Variants in ZNF699 observed in about 807,000 individuals in gnomAD.
ZNF699 encodes the protein zinc finger protein 699, also known as hangover homolog.
In ZNF699, 18 loss-of-function variants were observed where a neutral mutation model predicts 22.5. The observed-to-expected ratio is 0.80, with a 90% confidence interval of 0.55 to 1.19. The LOEUF (loss-of-function observed/expected upper bound fraction) is 1.19, where lower values mean the gene tolerates loss of function less well. ZNF699 is among the 50% of genes most tolerant of loss of function. The pLI, the probability that ZNF699 is intolerant of heterozygous loss-of-function variation, is 0.00. For missense variants in ZNF699, 670 were observed against 763.4 expected, an observed-to-expected ratio of 0.88 and a Z score of 1.44; for synonymous variants, 241 against 262.3, an observed-to-expected ratio of 0.92 and a Z score of 0.78.
intron 3 of ZNF699, among the ~76,000 whole-genome samples, chr19:9,299,865 T>TTA (rs2066300821): frequency 7.0e-6 from 1 of 143,742 alleles, no homozygotes. Flanking sequence ...CAACAATGTT[T>TTA]AAAAAAAAAA....
At position 9,295,844 on chromosome 19, in the gene ZNF699, T is replaced by C; in HGVS notation, c.1560A>G (p.Val520=). Reference sequence around the variant, plus strand: ...TCTCTCCAGTGTGAGTTCTGATATGTACTGTAAGGTGGGAGGAACTAATAA... The same window carrying C: ...TCTCTCCAGTGTGAGTTCTGATATGCACTGTAAGGTGGGAGGAACTAATAA... The part of the protein sequence containing the change: ...KAFISSSHLT[V]HIRTHTGEKP... Residue 520 remains valine, a synonymous_variant, in exon 6 of 6, where the codon GTA becomes GTG. Coordinates refer to ENST00000591998, the MANE Select transcript of ZNF699 (RefSeq NM_198535.3). 1.2e-6 allele frequency: 2 copies of C among 1,614,136 alleles called. No homozygotes were observed. Among genetic ancestry groups the C allele is most frequent in the Non-Finnish European group, 1.7e-6 (2 of 1,180,016 alleles).
At chr19:9,301,128 CAA>C (rs142708432) in intron 3 of ZNF699, among the ~76,000 whole-genome samples, 32 of 134,176 alleles carry the variant, frequency 2.4e-4, no homozygotes, top group African/African-American at 8.1e-4. Flanking sequence ...ATAAAGCCTA[CAA>C]AAAAAAAAGA....
At chr19:9,301,655 C>T (rs1206786325) in intron 3 of ZNF699, among the ~76,000 whole-genome samples, 2 of 152,168 alleles carry the variant, frequency 1.3e-5, no homozygotes, top group Non-Finnish European at 2.9e-5. Flanking sequence ...ATGTAAGAGG[C>T]ATGTATTCTT....
chr19:9,305,349 T>G (rs1348909255), intron 1 of ZNF699, among the ~76,000 whole-genome samples: 2 of 152,012 alleles, frequency 1.3e-5, no homozygotes, highest in East Asian at 3.9e-4. Context: ...GGAACAACCT[T>G]ACGTCCCCCT....
rs1326869359 is a variant in ZNF699 at position 9,295,183 on chromosome 19, T to C, written c.*292A>G. 5.4e-6 allele frequency: 2 copies of C among 369,492 alleles called. No homozygotes were observed. Among genetic ancestry groups the C allele is most frequent in the Admixed American group, 4.1e-5 (1 of 24,270 alleles). 22.9% of individuals were successfully genotyped at this position (369,492 alleles called of 1,614,324 possible). Reference sequence around the variant, plus strand: ...GAGCTGAAAAGGTAAATTTATCACCTTCAATGTTCCTATCAGAAAACACTG... The same window carrying C: ...GAGCTGAAAAGGTAAATTTATCACCCTCAATGTTCCTATCAGAAAACACTG... On this transcript the variant is annotated 3_prime_UTR_variant, in exon 6 of 6. Transcript: ENST00000591998.
At chr19:9,306,518 G>C (rs2066328546) in intron 1 of ZNF699, among the ~76,000 whole-genome samples, 1 of 152,104 alleles carries the variant, frequency 6.6e-6, no homozygotes, top group South Asian at 2.1e-4. Flanking sequence ...ATTTTAAAAA[G>C]CCAATAAAAA....
intron 1 of ZNF699, 47 bp downstream of exon 1, chr19:9,309,303 G>A (rs2066338774): frequency 6.6e-6 from 1 of 151,940 alleles, no homozygotes; most frequent in African/African-American, 2.4e-5. Flanking sequence ...TGCATAAAGA[G>A]GGGACAGGAG....
rs371365028 is a variant in ZNF699 at position 9,295,563 on chromosome 19, G to T, written c.1841C>A (p.Pro614His). 21 of 1,614,024 alleles carry T rather than the reference G, an allele frequency of 1.3e-5. No individual in the cohort carries two copies. The highest frequency in any genetic ancestry group is 1.8e-5 in the Non-Finnish European group (21 of 1,180,028). Residue 614 changes from proline (P) to histidine (H), a missense_variant, in exon 6 of 6, where the codon CCC becomes CAC. Transcript: ENST00000591998. ...TTTCCCACATTCCTTACATTCATAG[G>T]GTTTCTCTCCAGTGTGGCTTCTCAC... ...RHVRSHTGEK[P>H]YECKECGKAF... is the part of the protein sequence containing the mutation.
rs1364953630 is a variant in ZNF699, at chr19:9,296,064, T to C, written c.1340A>G (p.Tyr447Cys). Residue 447 changes from tyrosine to cysteine, a missense_variant, in exon 6 of 6, where the codon TAT becomes TGT. Physicochemically the swap from Tyr to Cys is radical, Grantham distance 194 (BLOSUM62 -2). Transcript: ENST00000591998. ...GGCCTTCCCACATTCCTTACATTCA[T>C]AGGGTTTCTCTCGACTTTGATTTTT... ...HVKNQSREKP[Y>C]ECKECGKAFS... is the part of the protein sequence containing the mutation. 1 of 1,613,852 alleles carries C rather than the reference T, an allele frequency of 6.2e-7. No individual in the cohort carries two copies. The highest frequency in any genetic ancestry group is 1.3e-5 in the African/African-American group (1 of 74,832).
rs543671188 is a variant in ZNF699 at position 9,297,657 on chromosome 19, T to C, written c.287-178A>G. Among the ~76,000 whole-genome samples the C allele has an allele frequency of 6.6e-6, 1 of 152,070 alleles. No homozygotes were observed. Among genetic ancestry groups the C allele is most frequent in the South Asian group, 2.1e-4 (1 of 4,814 alleles). ...TAGTATTAGGAGAACAAAACAGAAA[T>C]TGGATAAAATGCACATGACCAAATG... On this transcript the variant is annotated intron_variant, in intron 4 of 5. Transcript: ENST00000591998. The surrounding 1 kb of genome is among the most constrained non-coding windows in gnomAD (Gnocchi z 4.3).
At chr19:9,308,537 C>T (rs1362325859) in intron 1 of ZNF699, among the ~76,000 whole-genome samples, 1 of 152,130 alleles carries the variant, frequency 6.6e-6, no homozygotes, top group Non-Finnish European at 1.5e-5. Context: ...GGTGCAGTGG[C>T]TCATGCCTGT....
chr19:9,306,701 C>A (rs769020556), intron 1 of ZNF699, among the ~76,000 whole-genome samples: 8 of 152,202 alleles, frequency 5.3e-5, no homozygotes, highest in Non-Finnish European at 7.3e-5. Context: ...CAATTAACCA[C>A]ATCTTCAATA....
At chr19:9,305,981 C>T (rs1049990882) in intron 1 of ZNF699, among the ~76,000 whole-genome samples, 4 of 149,178 alleles carry the variant, frequency 2.7e-5, no homozygotes, top group African/African-American at 7.3e-5. Context: ...GGATTACAGG[C>T]GTGAGCCACC....
rs2066268206 is a variant in ZNF699 at position 9,292,312 on chromosome 19, C to A, written c.*3163G>T. 6.6e-6 allele frequency among the ~76,000 whole-genome samples: 1 copy of A among 152,156 alleles called. No individual in the cohort carries two copies. The highest frequency in any genetic ancestry group is 1.5e-5 in the Non-Finnish European group (1 of 68,024). On this transcript the variant is annotated 3_prime_UTR_variant, in exon 6 of 6. Transcript: ENST00000591998. ...AATGAGAGTATTACATTCCCCAGGC[C>A]AGTGACTAGAGTACAGTGGGCAAGT...
In ZNF699 at chr19:9,293,383, C is replaced by CTA. The variant is rs571742071; in HGVS notation, c.*2090_*2091dup. Among the ~76,000 whole-genome samples the CTA allele has an allele frequency of 3.7e-3, 558 of 152,162 alleles. 2 individuals are homozygous for CTA. Among genetic ancestry groups the CTA allele is most frequent in the Middle Eastern group, 0.031 (9 of 294 alleles). On this transcript the variant is annotated 3_prime_UTR_variant, in exon 6 of 6. Transcript: ENST00000591998. ...CGATATTTTTTGAAAACTGCAATACCTACCAAAACTAAATTTAAAGTCTAC... is the reference window on the plus strand; with the variant it reads ...CGATATTTTTTGAAAACTGCAATACCTATACCAAAACTAAATTTAAAGTCTAC...
chr19:9,296,633 G>A lies in ZNF699; in HGVS notation c.771C>T (p.Thr257=), dbSNP rs779257192. 2.2e-5 allele frequency: 36 copies of A among 1,613,496 alleles called. No homozygotes were observed. The highest frequency in any genetic ancestry group is 2.0e-4 in the Admixed American group (12 of 59,964). The change falls in exon 6 of 6, where the codon ACC becomes ACT. Residue 257 remains threonine (T), a synonymous_variant. Coordinates refer to ENST00000591998, the MANE Select transcript of ZNF699 (RefSeq NM_198535.3). Reference sequence around the variant, plus strand: ...AGAATGAGGAACAGCTGAAGGCTTTGGTACATTCCTTACATTCATAGGGCT... The same window carrying A: ...AGAATGAGGAACAGCTGAAGGCTTTAGTACATTCCTTACATTCATAGGGCT... ...EEKPYECKEC[T]KAFSCSSFFR...
intron 3 of ZNF699, among the ~76,000 whole-genome samples, chr19:9,300,319 A>T (rs2066302777): frequency 6.6e-6 from 1 of 152,110 alleles, no homozygotes. Context: ...TGACCTCGTG[A>T]TCCACCCGCC....
At position 9,295,937 on chromosome 19, in the gene ZNF699, G is replaced by A; in HGVS notation, c.1467C>T (p.Ser489=). ...ECGKTFSRSS[S]LTEHLRTHSG... The stretch of plus-strand genomic sequence containing the variant: ...TGTGAGTTCTTAGGTGTTCGGTGAG[G>A]GATGAGGAACGACTAAAGGTCTTCC... The change falls in exon 6 of 6, where the codon TCC becomes TCT. Residue 489 remains serine, a synonymous_variant. Coordinates refer to ENST00000591998, the MANE Select transcript of ZNF699 (RefSeq NM_198535.3). The A allele has an allele frequency of 6.2e-7, 1 of 1,613,958 alleles. No individual in the cohort carries two copies.
In ZNF699 at chr19:9,295,343, G is replaced by T; in HGVS notation, c.*132C>A. The T allele has an allele frequency of 8.3e-7, 1 of 1,199,364 alleles. No homozygotes were observed. Among genetic ancestry groups the T allele is most frequent in the Non-Finnish European group, 1.2e-6 (1 of 863,086 alleles). 74.3% of individuals were successfully genotyped at this position (1,199,364 alleles called of 1,614,324 possible). On this transcript the variant is annotated 3_prime_UTR_variant, in exon 6 of 6. Coordinates refer to ENST00000591998, the MANE Select transcript of ZNF699 (RefSeq NM_198535.3). ...CTTACATACACAGGGTTTCTCTAAA[G>T]TGTCCTCAAATCTTCAAAACGATGA...
Sources: gnomAD v4.1 joint callset for allele counts (sites outside exome capture counted in the v4.1 genomes callset) on GRCh38, gnomAD v4.1.1 for gene constraint, Gnocchi (gnomAD v3.1) non-coding constraint, MANE v1.5 for transcripts, NCBI Gene and HGNC (gene_info 2026-07-23, HGNC 2026-07-21) for gene names.